Variants in HCN2 observed in about 807,000 individuals in gnomAD.
HCN2 encodes the protein potassium/sodium hyperpolarization-activated cyclic nucleotide-gated channel 2.
HCN2 carries 20 observed loss-of-function variants against 52.3 expected under a neutral mutation model. The observed-to-expected ratio is 0.38, with a 90% CI of 0.27 to 0.56. HCN2 has a LOEUF of 0.56. Ranked by LOEUF, HCN2 falls within the 20% of genes least tolerant of loss-of-function variation. The probability of loss-of-function intolerance (pLI) is 0.71; values close to 1 mark genes in which losing one functional copy is unlikely to be tolerated. For synonymous variants in HCN2, 694 were observed against 537.0 expected, an observed-to-expected ratio of 1.29 and a Z score of -4.04; for missense variants, 981 against 1,207.7, an observed-to-expected ratio of 0.81 and a Z score of 2.78.
intron 7 of HCN2, among the ~76,000 whole-genome samples, chr19:614,385 C>T (rs541306141): frequency 5.6e-4 from 86 of 152,230 alleles, no homozygotes; most frequent in African/African-American, 1.9e-3. Context: ...GGGACAGACC[C>T]GGGGGCCCAC....
chr19:600,275 C>G (rs1324563810), intron 1 of HCN2, among the ~76,000 whole-genome samples: 1 of 152,236 alleles, frequency 6.6e-6, no homozygotes, highest in African/African-American at 2.4e-5. Flanking sequence ...CGGGTTCAAA[C>G]AATTCACCTG....
intron 4 of HCN2, among the ~76,000 whole-genome samples, chr19:610,012 C>G (rs1419373641): frequency 6.6e-6 from 1 of 152,232 alleles, no homozygotes; most frequent in Non-Finnish European, 1.5e-5. Context: ...GGAGGCCTGT[C>G]TCCCCGCTGT....
chr19:596,484 A>G (rs1983033914), intron 1 of HCN2, among the ~76,000 whole-genome samples: 1 of 152,214 alleles, frequency 6.6e-6, no homozygotes. Flanking sequence ...TGCGAGGGCC[A>G]AGCTGGACAA....
At chr19:613,810 G>A (rs758223101) in intron 6 of HCN2, 42 bp from the exon 7 acceptor site, 4 of 1,458,404 alleles carry the variant, frequency 2.7e-6, no homozygotes, top group Non-Finnish European at 2.7e-6. Flanking sequence ...GGGCCGCGGC[G>A]CCCGCCTCGT....
rs562790380 is a variant in HCN2, at chr19:612,835, C to T, written c.1585-413C>T. ...GCAGCCTCGACTTCCTGCACCACCA[C>T]GCCTGGCTGTTTTTTTTTTTTCCGG... On this transcript the variant is annotated intron_variant, in intron 5 of 7. Coordinates refer to ENST00000251287, the MANE Select transcript of HCN2 (RefSeq NM_001194.4). 1.6e-3 allele frequency among the ~76,000 whole-genome samples: 212 copies of T among 136,416 alleles called. 1 individual carries two copies. The highest frequency in any genetic ancestry group is 6.0e-3 in the African/African-American group (193 of 32,194). 89.5% of individuals were successfully genotyped at this position (136,416 alleles called of 152,430 possible).
chr19:616,496 G>T lies in HCN2; in HGVS notation c.*22G>T. 8.3e-7 allele frequency: 1 copy of T among 1,204,680 alleles called. No individual in the cohort carries two copies. Among genetic ancestry groups the T allele is most frequent in the Non-Finnish European group, 1.0e-6 (1 of 966,818 alleles). 74.6% of individuals were successfully genotyped at this position (1,204,680 alleles called of 1,614,324 possible). A position where few individuals can be genotyped will look rare whatever the true frequency, so the allele number is the denominator to read the frequency against. ...GTGACCCTCGCCGACCGCCCCGCGG[G>T]CCCAGGCGGGCCGGGGGCGGGGCCG... On this transcript the variant is annotated 3_prime_UTR_variant, in exon 8 of 8. Transcript: ENST00000251287.
At position 590,356 on chromosome 19, in the gene HCN2, G is replaced by C; in HGVS notation, c.411G>C (p.Gly137=). ...CRGAASGPAP[G]PGPAEEAGSE... is the part of the protein sequence containing the mutation. ...GGGCGGCCTCGGGGCCCGCGCCGGG[G>C]CCGGGGCCGGCGGAGGAGGCGGGCA... The change falls in exon 1 of 8, where the codon GGG becomes GGC. Residue 137 remains glycine, a synonymous_variant. Transcript: ENST00000251287. This position sits in a 1 kb window ranked among gnomAD's most constrained non-coding sequence, Gnocchi z 7.2. 1.8e-6 allele frequency: 2 copies of C among 1,119,746 alleles called. No homozygotes were observed. Among genetic ancestry groups the C allele is most frequent in the Non-Finnish European group, 2.2e-6 (2 of 917,468 alleles). 69.4% of individuals were successfully genotyped at this position (1,119,746 alleles called of 1,614,324 possible). A position where few individuals can be genotyped will look rare whatever the true frequency, so the allele number is the denominator to read the frequency against.
rs1983938447 is a variant in HCN2 at position 616,543 on chromosome 19, C to A, written c.*69C>A. 4 of 920,062 alleles carry A rather than the reference C, an allele frequency of 4.3e-6. No homozygotes were observed. Among genetic ancestry groups the A allele is most frequent in the Non-Finnish European group, 5.5e-6 (4 of 727,642 alleles). 57.0% of individuals were successfully genotyped at this position (920,062 alleles called of 1,614,324 possible). ...GCCGTCATCCAGACCAAAGCCATGC[C>A]ATTGCGCTGCCCCGGCCGCCAGTCC... On this transcript the variant is annotated 3_prime_UTR_variant, in exon 8 of 8. Transcript: ENST00000251287.
At chr19:602,746 G>T (rs1442353900) in intron 1 of HCN2, among the ~76,000 whole-genome samples, 1 of 152,238 alleles carries the variant, frequency 6.6e-6, no homozygotes, top group African/African-American at 2.4e-5. Flanking sequence ...GTCATGTGAA[G>T]CACTTAATCT....
intron 3 of HCN2, among the ~76,000 whole-genome samples, chr19:606,610 T>C (rs1398654471): frequency 1.3e-5 from 2 of 151,688 alleles, no homozygotes; most frequent in Non-Finnish European, 2.9e-5. Context: ...CCCAGCACTT[T>C]GGGAGGCTGA....
At chr19:597,005 C>T (rs866727711) in intron 1 of HCN2, among the ~76,000 whole-genome samples, 2 of 152,182 alleles carry the variant, frequency 1.3e-5, no homozygotes, top group African/African-American at 2.4e-5. Context: ...AGGGGACATG[C>T]GTGGGCGCCC....
intron 1 of HCN2, among the ~76,000 whole-genome samples, chr19:597,951 T>G (rs1275685498): frequency 6.8e-6 from 1 of 146,876 alleles, no homozygotes; most frequent in East Asian, 1.9e-4. Flanking sequence ...GGGGGAGGTT[T>G]CTAGGCCCTG....
intron 1 of HCN2, among the ~76,000 whole-genome samples, chr19:593,227 C>T (rs148162734): frequency 1.7e-3 from 262 of 152,340 alleles, no homozygotes; most frequent in Middle Eastern, 6.8e-3. Context: ...GCAGGTGCCA[C>T]ATATTTGCTG....
intron 5 of HCN2, 88 bp from the exon 6 acceptor site, chr19:613,160 T>C (rs937787015): frequency 3.4e-6 from 5 of 1,469,570 alleles, no homozygotes; most frequent in Non-Finnish European, 4.6e-6. Context: ...GAAACTGGGG[T>C]CCGAGAGGTG....
rs148730222 is a variant in HCN2, at chr19:613,942, A to G, written c.1916A>G (p.Asn639Ser). 1.0e-5 allele frequency: 16 copies of G among 1,549,736 alleles called. No individual in the cohort carries two copies. The highest frequency in any genetic ancestry group is 1.3e-5 in the Non-Finnish European group (15 of 1,144,942). Residue 639 changes from asparagine (N) to serine (S), a missense_variant, in exon 7 of 8, where the codon AAC becomes AGC. Around this residue, in one of 6 missense-constraint regions of HCN2, gnomAD observed 85 missense variants for 106.1 expected, o/e 0.80. Transcript: ENST00000251287. ...TATTCGCTGAGCGTGGACAACTTCA[A>G]CGAGGTGCTGGAGGAGTACCCCATG... ...RLYSLSVDNF[N>S]EVLEEYPMMR...
chr19:594,642 C>G (rs951934699), intron 1 of HCN2, among the ~76,000 whole-genome samples: 1 of 152,134 alleles, frequency 6.6e-6, no homozygotes, highest in Non-Finnish European at 1.5e-5. Context: ...TCTGCAAATC[C>G]GCAGTGATGA....
At chr19:595,168 C>T (rs1982988012) in intron 1 of HCN2, among the ~76,000 whole-genome samples, 1 of 150,116 alleles carries the variant, frequency 6.7e-6, no homozygotes, top group Non-Finnish European at 1.5e-5. Context: ...TGCCACTGCA[C>T]TCCGGCCCGG....
intron 5 of HCN2, among the ~76,000 whole-genome samples, chr19:612,069 C>G (rs1049673393): frequency 6.6e-6 from 1 of 151,980 alleles, no homozygotes; most frequent in African/African-American, 2.4e-5. Flanking sequence ...CGCTTGAACC[C>G]AGGAGGCGGC....
intron 2 of HCN2, among the ~76,000 whole-genome samples, chr19:604,830 G>GA (rs1485306349): frequency 1.1e-5 from 1 of 94,652 alleles, no homozygotes; most frequent in Non-Finnish European, 2.1e-5. Context: ...GATTTGGGGG[G>GA]GTCCTGCAGT....
Sources: gnomAD v4.1 joint callset for allele counts (sites outside exome capture counted in the v4.1 genomes callset) on GRCh38, gnomAD v4.1.1 for gene constraint, gnomAD v4.1.1 regional missense constraint, Gnocchi (gnomAD v3.1) non-coding constraint, MANE v1.5 for transcripts, NCBI Gene and HGNC (gene_info 2026-07-23, HGNC 2026-07-21) for gene names.